ATP7B: variants seen among roughly 807,000 people sequenced by gnomAD.
ATP7B encodes the protein copper-transporting ATPase 2.
A neutral mutation model predicts 118.9 loss-of-function variants in ATP7B; 113 were observed. The ratio of observed to expected loss-of-function variants is 0.95; its 90% CI spans 0.82 to 1.11. The LOEUF is 1.11. Among genes scored for constraint, ATP7B ranks in the 50% most tolerant of loss-of-function variants. The pLI, the probability that ATP7B is intolerant of heterozygous loss-of-function variation, is 0.00. For missense variants in ATP7B, 1,867 were observed against 1,871.4 expected (o/e 1.00, Z 0.04); for synonymous variants, 777 against 727.4 (o/e 1.07, Z -1.10).
chr13:51,947,201 C>T (rs1957721189), intron 12 of ATP7B, among the ~76,000 whole-genome samples: 1 of 152,170 alleles, frequency 6.6e-6, no homozygotes, highest in African/African-American at 2.4e-5. Flanking sequence ...TACAAAATCG[C>T]ATGTGCTGGG....
chr13:52,005,242 T>C (rs1953711066), intron 1 of ATP7B, among the ~76,000 whole-genome samples: 1 of 152,252 alleles, frequency 6.6e-6, no homozygotes, highest in African/African-American at 2.4e-5. Flanking sequence ...TCTTTCTAAG[T>C]TCTGCTTCCC....
At chr13:52,009,989 T>G (rs1953946639) in intron 1 of ATP7B, among the ~76,000 whole-genome samples, 1 of 152,182 alleles carries the variant, frequency 6.6e-6, no homozygotes, top group Non-Finnish European at 1.5e-5. Context: ...TCAACGCTAT[T>G]ATCAGAGGAT....
In ATP7B at chr13:51,958,545, C is replaced by G. The variant is rs1319653818; in HGVS notation, c.2122-1G>C. On this transcript the variant is annotated splice_acceptor_variant, in intron 7 of 20. Coordinates refer to ENST00000242839, the MANE Select transcript of ATP7B (RefSeq NM_000053.4). LOFTEE classifies it high-confidence loss of function. Reference sequence around the variant, plus strand: ...CGTAGAAGTACCACCCACCGAGGAGCTGAAAGACAAGGACAGTGAAGGCTG... The same window carrying G: ...CGTAGAAGTACCACCCACCGAGGAGGTGAAAGACAAGGACAGTGAAGGCTG... 3 of 1,613,736 alleles carry G rather than the reference C, an allele frequency of 1.9e-6. No homozygotes were observed. The highest frequency in any genetic ancestry group is 2.7e-5 in the African/African-American group (2 of 74,904).
At chr13:51,953,951 T>C (rs756916081) in intron 9 of ATP7B, among the ~76,000 whole-genome samples, 1 of 151,232 alleles carries the variant, frequency 6.6e-6, no homozygotes, top group Non-Finnish European at 1.5e-5. Context: ...GTGTGCAGTA[T>C]GTTTCTTTAA....
chr13:51,985,667 G>A (rs982119316), intron 1 of ATP7B, among the ~76,000 whole-genome samples: 4 of 152,222 alleles, frequency 2.6e-5, no homozygotes, highest in African/African-American at 9.6e-5. Flanking sequence ...ATAATTGGAA[G>A]TGAAACACTC....
At chr13:51,990,443 T>TTTAC (rs58592132) in intron 1 of ATP7B, among the ~76,000 whole-genome samples, 24,699 of 152,078 alleles carry the variant, frequency 0.16, 2,478 homozygotes, top group East Asian at 0.33. Flanking sequence ...AATAGGTGAA[T>TTTAC]TTACATGTAT....
intron 16 of ATP7B, 142 bp from the exon 17 acceptor site, chr13:51,939,335 C>T: frequency 5.8e-6 from 8 of 1,390,416 alleles, no homozygotes; most frequent in African/African-American, 1.4e-5. Flanking sequence ...GGTTTTTTTG[C>T]TTTTTAAAAA....
chr13:51,961,742 C>T lies in ATP7B; in HGVS notation c.1946+95G>A, dbSNP rs1422388315. ...AAAGGCAGCTAATCCAGGAGGAAGGCACCATGGGAAGACAAGACCAGCTGG... is the reference window on the plus strand; with the variant it reads ...AAAGGCAGCTAATCCAGGAGGAAGGTACCATGGGAAGACAAGACCAGCTGG... On this transcript the variant is annotated intron_variant, in intron 6 of 20. Transcript: ENST00000242839. 18 of 1,190,966 alleles carry T rather than the reference C, an allele frequency of 1.5e-5. No homozygotes were observed. The Admixed American group carries it at 2.1e-4, about 14-fold the overall frequency. 73.8% of individuals were successfully genotyped at this position (1,190,966 alleles called of 1,614,324 possible). A position where few individuals can be genotyped will look rare whatever the true frequency, so the allele number is the denominator to read the frequency against.
intron 6 of ATP7B, among the ~76,000 whole-genome samples, chr13:51,960,597 G>A (rs1958671449): frequency 6.6e-6 from 1 of 152,188 alleles, no homozygotes; most frequent in African/African-American, 2.4e-5. Flanking sequence ...ATTTACGGGT[G>A]AGGCAAGTGA....
intron 2 of ATP7B, among the ~76,000 whole-genome samples, chr13:51,972,665 CTT>C (rs1317185005): frequency 6.6e-6 from 1 of 152,158 alleles, no homozygotes; most frequent in Non-Finnish European, 1.5e-5. Flanking sequence ...CCACACCAGT[CTT>C]CTAAAATATA....
chr13:51,966,092 T>G (rs1951532510), intron 4 of ATP7B, among the ~76,000 whole-genome samples: 1 of 152,172 alleles, frequency 6.6e-6, no homozygotes, highest in African/African-American at 2.4e-5. Context: ...ATCCAAATAT[T>G]TCAATGGTAC....
chr13:52,002,012 G>A lies in ATP7B; in HGVS notation c.51+9275C>T, dbSNP rs375755746. On this transcript the variant is annotated intron_variant, in intron 1 of 20. Transcript: ENST00000242839. ...GGGGTTTCACTATGTTATCCAGGCT[G>A]GCCTCGAACTCCTGAGCTCAAGCAA... 3.8e-4 allele frequency among the ~76,000 whole-genome samples: 58 copies of A among 152,142 alleles called. 1 individual carries two copies. The South Asian group carries it at 6.6e-3, about 17-fold the overall frequency.
At chr13:51,981,138 A>G (rs1952395540) in intron 1 of ATP7B, among the ~76,000 whole-genome samples, 1 of 152,228 alleles carries the variant, frequency 6.6e-6, no homozygotes, top group Non-Finnish European at 1.5e-5. Context: ...TAAGTAACAG[A>G]GCTGGGATTT....
rs750033958 is a variant in ATP7B, at chr13:51,935,681, T to C, written c.4036A>G (p.Ile1346Val). ...ATCCAGGGCTGCAGCACAATGCCGA[T>C]GGGCATGAAGACACCTGGGGAAGAA... The part of the protein sequence containing the change: ...IPIAAGVFMP[I>V]GIVLQPWMGS... The change falls in exon 20 of 21, where the codon ATC (isoleucine) becomes GTC (valine). Residue 1346 changes from isoleucine (I) to valine (V), a missense_variant. Transcript: ENST00000242839. 1.3e-5 allele frequency: 21 copies of C among 1,612,804 alleles called. 1 individual carries two copies. In the Admixed American group the frequency reaches 1.7e-4, roughly 13 times the overall value.
upstream of ATP7B, chr13:52,011,460 G>T (rs1954034476): frequency 7.8e-7 from 1 of 1,283,732 alleles, no homozygotes. Flanking sequence ...GGGCATCGGC[G>T]CGGCTCGGCT....
chr13:51,972,029 G>A (rs1450061936), intron 2 of ATP7B, among the ~76,000 whole-genome samples: 2 of 152,196 alleles, frequency 1.3e-5, no homozygotes, highest in Admixed American at 6.5e-5. Flanking sequence ...AGACACGCAC[G>A]GGCAGGGCCC....
At chr13:51,941,361 G>T in intron 15 of ATP7B, 137 bp from the exon 16 acceptor site, 2 of 1,013,700 alleles carry the variant, frequency 2.0e-6, no homozygotes, top group Non-Finnish European at 2.9e-6. Context: ...TCTTGTGACA[G>T]CATCCTTTAG....
At chr13:51,942,691 G>A in intron 14 of ATP7B, 137 bp from the exon 15 acceptor site, 1 of 1,007,680 alleles carries the variant, frequency 9.9e-7, no homozygotes, top group Non-Finnish European at 1.5e-6. Flanking sequence ...GAAAGGAGGG[G>A]AGGGAGGTGG....
chr13:51,969,074 T>G (rs756607616), intron 3 of ATP7B, among the ~76,000 whole-genome samples: 34 of 151,390 alleles, frequency 2.2e-4, no homozygotes, highest in Non-Finnish European at 3.8e-4. Flanking sequence ...TTGGTCAAGC[T>G]GGTCTTGAAC....
Sources: gnomAD v4.1 joint callset for allele counts (sites outside exome capture counted in the v4.1 genomes callset) on GRCh38, gnomAD v4.1.1 for gene constraint, MANE v1.5 for transcripts, NCBI Gene and HGNC (gene_info 2026-07-23, HGNC 2026-07-21) for gene names.